LTBP1: variants seen among roughly 807,000 people sequenced by gnomAD.
The protein encoded by LTBP1 is latent transforming growth factor beta binding protein 1.
In LTBP1, 129 loss-of-function variants were observed where a neutral mutation model predicts 207.6. That is an observed-to-expected ratio of 0.62 (90% CI 0.54 to 0.72). The LOEUF (loss-of-function observed/expected upper bound fraction) is 0.72. Among genes scored for constraint, LTBP1 ranks in the 30% least tolerant of loss-of-function variants. The probability of loss-of-function intolerance (pLI) is 0.00; values close to 1 mark genes in which losing one functional copy is unlikely to be tolerated. For missense variants in LTBP1, 2,281 were observed against 2,217.2 expected (o/e 1.03, Z -0.58); for synonymous variants, 963 against 833.7 (o/e 1.16, Z -2.67).
chr2:33,351,404 ATTC>A (rs1196184400), intron 26 of LTBP1, among the ~76,000 whole-genome samples: 3 of 152,360 alleles, frequency 2.0e-5, no homozygotes, highest in South Asian at 2.1e-4. Context: ...AAGACATCAA[ATTC>A]TTCTCAAAAT....
chr2:33,254,257 G>C (rs2092765307), intron 11 of LTBP1, among the ~76,000 whole-genome samples: 1 of 151,942 alleles, frequency 6.6e-6, no homozygotes, highest in South Asian at 2.1e-4. Flanking sequence ...CTTTCAGTTT[G>C]TGAATTTATT....
At chr2:33,289,208 A>G (rs1024940985) in intron 19 of LTBP1, among the ~76,000 whole-genome samples, 2 of 152,182 alleles carry the variant, frequency 1.3e-5, no homozygotes, top group Non-Finnish European at 2.9e-5. Flanking sequence ...GGATGCATAC[A>G]TCTTTGAACT....
chr2:32,953,430 T>A (rs992129774), intron 2 of LTBP1, among the ~76,000 whole-genome samples: 2 of 152,170 alleles, frequency 1.3e-5, no homozygotes, highest in African/African-American at 4.8e-5. Flanking sequence ...CCATGACAAC[T>A]GCTAGGAGGG....
At chr2:33,223,323 T>G (rs556765327) in intron 9 of LTBP1, among the ~76,000 whole-genome samples, 150 of 152,296 alleles carry the variant, frequency 9.8e-4, no homozygotes, top group Non-Finnish European at 1.9e-3. Context: ...ATAAAAGAAT[T>G]TATTTAGAAA....
intron 2 of LTBP1, among the ~76,000 whole-genome samples, chr2:33,019,157 G>T (rs767577388): frequency 1.3e-5 from 2 of 151,948 alleles, no homozygotes; most frequent in East Asian, 3.9e-4. Flanking sequence ...CTTTATGGGA[G>T]ACTTGATAGT....
At chr2:33,210,169 G>A (rs1222544466) in intron 7 of LTBP1, among the ~76,000 whole-genome samples, 3 of 152,194 alleles carry the variant, frequency 2.0e-5, no homozygotes, top group African/African-American at 7.2e-5. Flanking sequence ...CTGGGAGTTT[G>A]CTTTGTGTTC....
At chr2:33,036,305 C>G (rs1283867284) in intron 3 of LTBP1, among the ~76,000 whole-genome samples, 1 of 152,074 alleles carries the variant, frequency 6.6e-6, no homozygotes, top group Non-Finnish European at 1.5e-5. Flanking sequence ...CTGGAGGGGT[C>G]TGCACTTTGA....
chr2:33,383,667 C>A (rs1319230662), intron 31 of LTBP1, among the ~76,000 whole-genome samples: 1 of 152,026 alleles, frequency 6.6e-6, no homozygotes, highest in Non-Finnish European at 1.5e-5. Context: ...CTCAGATGAT[C>A]CTCTAGCCTC....
chr2:33,305,526 G>A lies in LTBP1; in HGVS notation c.3481+3882G>A, dbSNP rs115089533. ...TTCAGTTCAAGGGAATAGCAGATGC[G>A]GATGCCCGAGGAACCAGCTATGTGG... On this transcript the variant is annotated intron_variant, in intron 22 of 33. Coordinates refer to ENST00000404816, the MANE Select transcript of LTBP1 (RefSeq NM_206943.4). Among the ~76,000 whole-genome samples, 1,198 of 152,190 alleles carry A rather than the reference G, an allele frequency of 7.9e-3. 25 individuals are homozygous for A. Among genetic ancestry groups the A allele is most frequent in the African/African-American group, 0.028 (1,143 of 41,522 alleles).
At chr2:33,348,774 A>G (rs756234365) in intron 26 of LTBP1, among the ~76,000 whole-genome samples, 1 of 152,250 alleles carries the variant, frequency 6.6e-6, no homozygotes, top group Non-Finnish European at 1.5e-5. Flanking sequence ...GAAAAAATAC[A>G]GGATATTCCA....
chr2:33,300,422 C>T, intron 20 of LTBP1, 29 bp from the exon 21 acceptor site: 1 of 1,607,498 alleles, frequency 6.2e-7, no homozygotes, highest in Non-Finnish European at 8.5e-7. Context: ...GTCTCTTTTT[C>T]AGAAAAATTG....
intron 24 of LTBP1, among the ~76,000 whole-genome samples, chr2:33,328,960 G>A (rs1392932358): frequency 1.3e-5 from 2 of 152,126 alleles, no homozygotes; most frequent in Non-Finnish European, 2.9e-5. Context: ...ATGTGAGGCT[G>A]TTGTGAATAA....
At position 33,058,611 on chromosome 2, in the gene LTBP1, T is replaced by G. The variant is rs114780942; in HGVS notation, c.863+37405T>G. Among the ~76,000 whole-genome samples, 618 of 152,372 alleles carry G rather than the reference T, an allele frequency of 4.1e-3. 4 individuals are homozygous for G. The highest frequency in any genetic ancestry group is 0.01 in the Middle Eastern group (3 of 294). ...TGCAAGAAGATCAAGATAAATTTTG[T>G]GTATTATCTTACATTTGTGTTTTAA... On this transcript the variant is annotated intron_variant, in intron 3 of 33. Coordinates refer to ENST00000404816, the MANE Select transcript of LTBP1 (RefSeq NM_206943.4).
chr2:32,975,108 A>T (rs1000643054), intron 2 of LTBP1, among the ~76,000 whole-genome samples: 2 of 152,178 alleles, frequency 1.3e-5, no homozygotes, highest in African/African-American at 4.8e-5. Flanking sequence ...TTATTTGAAA[A>T]GGGTCTTATT....
At chr2:33,230,324 T>C (rs2091711754) in intron 9 of LTBP1, among the ~76,000 whole-genome samples, 1 of 152,194 alleles carries the variant, frequency 6.6e-6, no homozygotes, top group Admixed American at 6.5e-5. Context: ...ACTGTATACA[T>C]GTTAATTTGA....
At chr2:33,166,067 G>GTTT (rs143905437) in intron 5 of LTBP1, among the ~76,000 whole-genome samples, 1 of 140,844 alleles carries the variant, frequency 7.1e-6, no homozygotes, top group Non-Finnish European at 1.6e-5. Flanking sequence ...AGTAATGTAT[G>GTTT]TTTTTTTTTT....
chr2:33,140,052 G>A (rs936268596), intron 5 of LTBP1, among the ~76,000 whole-genome samples: 2 of 152,208 alleles, frequency 1.3e-5, no homozygotes, highest in East Asian at 3.8e-4. Context: ...GGCTAAATAA[G>A]TTTCTGAATG....
intron 22 of LTBP1, among the ~76,000 whole-genome samples, chr2:33,304,471 A>T (rs2094051821): frequency 6.6e-6 from 1 of 151,916 alleles, no homozygotes; most frequent in South Asian, 2.1e-4. Flanking sequence ...TTGTTTTCTT[A>T]TTGTCCTGTC....
chr2:33,087,851 A>G (rs1277850761), intron 3 of LTBP1, among the ~76,000 whole-genome samples: 1 of 152,222 alleles, frequency 6.6e-6, no homozygotes, highest in Non-Finnish European at 1.5e-5. Context: ...TCTAATTACT[A>G]TTTTAAGAAG....
Sources: allele counts gnomAD v4.1 joint callset (sites outside exome capture counted in the v4.1 genomes callset), GRCh38; gene constraint gnomAD v4.1.1; transcripts MANE v1.5; gene names NCBI Gene and HGNC (gene_info 2026-07-23, HGNC 2026-07-21).